Variants in CSMD2 observed in about 807,000 individuals in gnomAD.
The protein encoded by CSMD2 is CUB and sushi domain-containing protein 2.
In CSMD2, 130 loss-of-function variants were observed where a neutral mutation model predicts 398.5. The observed-to-expected ratio is 0.33, with a 90% CI of 0.28 to 0.38. CSMD2 has a LOEUF of 0.38. CSMD2 is among the 10% of genes least tolerant of loss of function. The probability of loss-of-function intolerance (pLI) is 1.00; values close to 1 mark genes in which losing one functional copy is unlikely to be tolerated. For synonymous variants in CSMD2, 1,828 were observed against 1,908.5 expected (o/e 0.96, Z 1.10); for missense variants, 3,829 against 4,764.9 (o/e 0.80, Z 5.78).
At chr1:33,557,112 G>A (rs1279645032) in intron 55 of CSMD2, among the ~76,000 whole-genome samples, 1 of 152,178 alleles carries the variant, frequency 6.6e-6, no homozygotes, top group Non-Finnish European at 1.5e-5. Context: ...TTATTGAGTA[G>A]CTACTATGTA....
intron 4 of CSMD2, among the ~76,000 whole-genome samples, chr1:33,920,542 CAAAAAAA>C (rs58865984): frequency 5.9e-5 from 5 of 84,214 alleles, no homozygotes; most frequent in Admixed American, 1.6e-4. Context: ...CAATCTGTCT[CAAAAAAA>C]AAAAAAAAAA....
intron 48 of CSMD2, among the ~76,000 whole-genome samples, chr1:33,578,515 C>T (rs1391321526): frequency 6.6e-6 from 1 of 152,164 alleles, no homozygotes; most frequent in African/African-American, 2.4e-5. Flanking sequence ...GAGGTGGAGG[C>T]TGCAGGGAGA....
At chr1:33,697,017 G>A (rs1489909000) in intron 24 of CSMD2, among the ~76,000 whole-genome samples, 1 of 152,180 alleles carries the variant, frequency 6.6e-6, no homozygotes, top group Non-Finnish European at 1.5e-5. Flanking sequence ...TAGCAGGCTA[G>A]AGGCAGTCTC....
intron 25 of CSMD2, among the ~76,000 whole-genome samples, chr1:33,675,994 C>T (rs1454189478): frequency 4.6e-5 from 7 of 152,164 alleles, no homozygotes; most frequent in Non-Finnish European, 1.0e-4. Context: ...AAACCCAAAG[C>T]CAATGTCATA....
At chr1:34,111,207 C>G (rs1365073797) in intron 1 of CSMD2, among the ~76,000 whole-genome samples, 1 of 152,228 alleles carries the variant, frequency 6.6e-6, no homozygotes, top group Non-Finnish European at 1.5e-5. Context: ...AAACTACAAT[C>G]CAGTGCTTTT....
chr1:34,122,541 T>C (rs1180599162), intron 1 of CSMD2, among the ~76,000 whole-genome samples: 3 of 152,116 alleles, frequency 2.0e-5, no homozygotes, highest in Non-Finnish European at 4.4e-5. Context: ...CTGGTGCTAA[T>C]TTATCTCCCT....
At chr1:33,794,554 G>C (rs950152810) in intron 10 of CSMD2, among the ~76,000 whole-genome samples, 16 of 152,204 alleles carry the variant, frequency 1.1e-4, no homozygotes, top group Non-Finnish European at 1.6e-4. Flanking sequence ...AGGTGGTGGA[G>C]GGTGGCGATA....
rs112749912 is a variant in CSMD2, at chr1:33,742,582, C to A, written c.2173+698G>T. Among the ~76,000 whole-genome samples, 22 of 134,354 alleles carry A rather than the reference C, an allele frequency of 1.6e-4. No homozygotes were observed. The East Asian group carries it at 2.0e-3, about 12-fold the overall frequency. The allele number at this position is 134,354 out of a possible 152,430, so 88.1% of individuals were successfully genotyped here. On this transcript the variant is annotated intron_variant, in intron 14 of 70. Coordinates refer to ENST00000373381, the MANE Select transcript of CSMD2 (RefSeq NM_001281956.2). ...TTTCTAGTCACCAAGCTTCTGCCCC[C>A]CCCCCCCCAACCCCCTCTGTAACCA...
At chr1:33,613,368 C>A (rs1641173166) in intron 40 of CSMD2, among the ~76,000 whole-genome samples, 1 of 152,218 alleles carries the variant, frequency 6.6e-6, no homozygotes, top group South Asian at 2.1e-4. Flanking sequence ...TGCAGAGGTA[C>A]AGGGTCTCCC....
chr1:34,123,660 G>C (rs539629500), intron 1 of CSMD2, among the ~76,000 whole-genome samples: 1 of 152,224 alleles, frequency 6.6e-6, no homozygotes, highest in East Asian at 1.9e-4. Flanking sequence ...TCTATCATCA[G>C]GTAGATAGGG....
chr1:34,142,638 T>C (rs1639409389), intron 1 of CSMD2, among the ~76,000 whole-genome samples: 1 of 152,224 alleles, frequency 6.6e-6, no homozygotes, highest in African/African-American at 2.4e-5. Flanking sequence ...AGTGTTCCAC[T>C]CAGCAGCATG....
At chr1:33,809,938 T>G (rs1361700341) in intron 10 of CSMD2, among the ~76,000 whole-genome samples, 1 of 151,996 alleles carries the variant, frequency 6.6e-6, no homozygotes, top group East Asian at 1.9e-4. Flanking sequence ...TATTTAGGAG[T>G]AAATATATTA....
chr1:33,759,291 C>T lies in CSMD2; in HGVS notation c.1846+13278G>A, dbSNP rs150524767. ...GGGAGAGAGGTAGGAAGGGGTTAAT[C>T]ATACAGAGCTTGAGTTTCTTTTCTT... On this transcript the variant is annotated intron_variant, in intron 13 of 70. Coordinates refer to ENST00000373381, the MANE Select transcript of CSMD2 (RefSeq NM_001281956.2). Among the ~76,000 whole-genome samples the T allele has an allele frequency of 1.8e-3, 262 of 148,920 alleles. 1 individual carries two copies. Among genetic ancestry groups the T allele is most frequent in the African/African-American group, 5.9e-3 (238 of 40,604 alleles).
rs1305725972 is a variant in CSMD2 at position 33,624,832 on chromosome 1, C to A, written c.5501-189G>T. Among the ~76,000 whole-genome samples, 1 of 152,188 alleles carries A rather than the reference C, an allele frequency of 6.6e-6. No homozygotes were observed. The highest frequency in any genetic ancestry group is 1.5e-5 in the Non-Finnish European group (1 of 68,024). ...ACTCTGTTCGGGGCCCTGGGCCCAG[C>A]TCCTCTCTCCACGTGTGCCCCGTCC... On this transcript the variant is annotated intron_variant, in intron 34 of 70. Transcript: ENST00000373381. This position sits in a 1 kb window ranked among gnomAD's most constrained non-coding sequence, Gnocchi z 4.7.
At chr1:33,868,074 G>T (rs1289604056) in intron 5 of CSMD2, among the ~76,000 whole-genome samples, 1 of 152,196 alleles carries the variant, frequency 6.6e-6, no homozygotes, top group African/African-American at 2.4e-5. Flanking sequence ...ACAATGGAGA[G>T]AGAGGGAGGG....
chr1:33,864,847 G>C, intron 5 of CSMD2: 1 of 1,051,406 alleles, frequency 9.5e-7, no homozygotes, highest in Non-Finnish European at 1.3e-6. Context: ...GATGCTTTGT[G>C]GAGGAGGGAG....
chr1:33,836,781 A>G (rs1660322799), intron 6 of CSMD2, among the ~76,000 whole-genome samples: 1 of 152,174 alleles, frequency 6.6e-6, no homozygotes, highest in Non-Finnish European at 1.5e-5. Context: ...CTTGGCTAGG[A>G]AAGCGAATTC....
Position 33,890,948 on chromosome 1 carries a change from T to C in CSMD2, c.920+27146A>G, listed in dbSNP as rs536005522. 4.6e-5 allele frequency among the ~76,000 whole-genome samples: 7 copies of C among 152,256 alleles called. No homozygotes were observed. In the South Asian group the frequency reaches 1.5e-3, roughly 32 times the overall value. ...GTTAGACCTAAAACCATAAAAACCC[T>C]AGAAGAAAACCTAGGCATTATCATT... On this transcript the variant is annotated intron_variant, in intron 5 of 70. Coordinates refer to ENST00000373381, the MANE Select transcript of CSMD2 (RefSeq NM_001281956.2).
At chr1:34,007,558 C>G (rs1420527229) in intron 3 of CSMD2, among the ~76,000 whole-genome samples, 1 of 152,066 alleles carries the variant, frequency 6.6e-6, no homozygotes, top group Admixed American at 6.5e-5. Flanking sequence ...AATTTGAAGC[C>G]ACATACCAAA....
Sources: gnomAD v4.1 joint callset for allele counts (sites outside exome capture counted in the v4.1 genomes callset) on GRCh38, gnomAD v4.1.1 for gene constraint, Gnocchi (gnomAD v3.1) non-coding constraint, MANE v1.5 for transcripts, NCBI Gene and HGNC (gene_info 2026-07-23, HGNC 2026-07-21) for gene names.